NME9: variants seen among roughly 807,000 people sequenced by gnomAD.
The protein encoded by NME9 is NME/NM23 family member 9.
NME9 carries 48 observed loss-of-function variants against 44.4 expected under a neutral mutation model. That is an observed-to-expected ratio of 1.08 (90% confidence interval 0.86 to 1.37). The LOEUF is 1.37. Ranked by LOEUF, NME9 falls within the 40% of genes most tolerant of loss-of-function variation. NME9 has a pLI of 0.00. For missense variants in NME9, 325 were observed against 405.2 expected (o/e 0.80, Z 1.70); for synonymous variants, 139 against 147.1 (o/e 0.94, Z 0.40).
intron 8 of NME9, among the ~76,000 whole-genome samples, chr3:138,269,820 C>CTTTT (rs77095833): frequency 8.2e-6 from 1 of 121,694 alleles, no homozygotes; most frequent in African/African-American, 3.0e-5. Context: ...TGTTTTCTTT[C>CTTTT]TTTTTTTTTT....
Position 138,324,882 on chromosome 3 carries a change from C to T in NME9, c.82G>A (p.Gly28Arg), listed in dbSNP as rs2053683373. 1 of 1,612,844 alleles carries T rather than the reference C, an allele frequency of 6.2e-7. No homozygotes were observed. The highest frequency in any genetic ancestry group is 2.2e-5 in the East Asian group (1 of 44,872). Reference protein sequence around the residue: ...ELWEEMLSSKGLTVVDVYQGW... With the variant: ...ELWEEMLSSKRLTVVDVYQGW... Reference sequence around the variant, plus strand: ...TTTTACTTTGAATTACCAGTTAGTCCTTTGGAACTGAGCATTTCCTCCCAA... The same window carrying T: ...TTTTACTTTGAATTACCAGTTAGTCTTTTGGAACTGAGCATTTCCTCCCAA... The change falls in exon 2 of 11, where the codon GGA becomes AGA. Residue 28 changes from glycine to arginine, a missense_variant. Coordinates refer to ENST00000333911, the MANE Select transcript of NME9 (RefSeq NM_001349018.2).
intron 8 of NME9, among the ~76,000 whole-genome samples, chr3:138,272,238 A>G (rs542075693): frequency 1.8e-4 from 27 of 152,340 alleles, no homozygotes; most frequent in Admixed American, 5.9e-4. Context: ...ATGCCAGTAA[A>G]GTTAAGAAAA....
chr3:138,292,808 AAGG>A (rs959333631), intron 8 of NME9, among the ~76,000 whole-genome samples: 1 of 152,124 alleles, frequency 6.6e-6, no homozygotes, highest in Non-Finnish European at 1.5e-5. Flanking sequence ...AAAAGAGAGA[AAGG>A]AGGACTAAGG....
intron 8 of NME9, chr3:138,270,165 C>T: frequency 7.1e-7 from 1 of 1,415,690 alleles, no homozygotes; most frequent in Non-Finnish European, 1.0e-6. Context: ...TCATAACTTA[C>T]AAAAGGAATA....
intron 8 of NME9, among the ~76,000 whole-genome samples, chr3:138,278,633 TATAA>T (rs1384299490): frequency 6.6e-6 from 1 of 152,236 alleles, no homozygotes; most frequent in Non-Finnish European, 1.5e-5. Flanking sequence ...GTATTGTATT[TATAA>T]ATAAATTTGG....
chr3:138,296,593 G>A (rs2051509662), downstream of NME9: 1 of 152,032 alleles, frequency 6.6e-6, no homozygotes, highest in Non-Finnish European at 1.5e-5. Context: ...CTGATTAACA[G>A]GCACTATACA....
intron 6 of NME9, among the ~76,000 whole-genome samples, chr3:138,313,234 T>C (rs1046011331): frequency 1.3e-5 from 2 of 151,844 alleles, no homozygotes; most frequent in African/African-American, 4.8e-5. Context: ...CTACTAAAAA[T>C]GTAAAAATTA....
intron 8 of NME9, among the ~76,000 whole-genome samples, chr3:138,270,618 GAT>G (rs1309898212): frequency 6.6e-6 from 1 of 152,094 alleles, no homozygotes; most frequent in African/African-American, 2.4e-5. Flanking sequence ...TGTTTTGAAA[GAT>G]AAATAGATTG....
chr3:138,297,476 C>T (rs898662159), downstream of NME9: 4 of 152,234 alleles, frequency 2.6e-5, no homozygotes, highest in Admixed American at 2.0e-4. Context: ...TCCAAGCCCA[C>T]CCACCAGCCA....
At chr3:138,303,449 G>C (rs986958817) in intron 10 of NME9, 58 bp downstream of exon 10, 2 of 1,421,634 alleles carry the variant, frequency 1.4e-6, no homozygotes, top group South Asian at 1.2e-5. Flanking sequence ...CAAGCACATA[G>C]TTACAAATTC....
intron 10 of NME9, among the ~76,000 whole-genome samples, chr3:138,302,197 C>T (rs1280129565): frequency 6.6e-6 from 1 of 152,130 alleles, no homozygotes; most frequent in African/African-American, 2.4e-5. Context: ...GAGACAGTGA[C>T]ATATCAGAAT....
At chr3:138,304,721 A>C (rs1398180099) in intron 9 of NME9, 152 bp downstream of exon 9, 1 of 755,772 alleles carries the variant, frequency 1.3e-6, no homozygotes, top group Non-Finnish European at 2.2e-6. Flanking sequence ...GAGCGGGAAG[A>C]TGTCAGGGTC....
chr3:138,282,470 A>G (rs1466870594), intron 8 of NME9, among the ~76,000 whole-genome samples: 1 of 152,074 alleles, frequency 6.6e-6, no homozygotes, highest in African/African-American at 2.4e-5. Flanking sequence ...ACATGGTGAA[A>G]TCCCGTCTCT....
At chr3:138,285,749 T>C (rs1383051988) in intron 8 of NME9, among the ~76,000 whole-genome samples, 1 of 152,216 alleles carries the variant, frequency 6.6e-6, no homozygotes, top group African/African-American at 2.4e-5. Context: ...TGCACAACTG[T>C]ATATCCACCA....
intron 8 of NME9, among the ~76,000 whole-genome samples, chr3:138,273,639 G>A (rs549191014): frequency 6.6e-6 from 1 of 152,248 alleles, no homozygotes; most frequent in African/African-American, 2.4e-5. Flanking sequence ...GTTCTCTAAT[G>A]TTCCCCAAGA....
chr3:138,308,118 G>A (rs1048043298), intron 6 of NME9, among the ~76,000 whole-genome samples: 10 of 152,110 alleles, frequency 6.6e-5, no homozygotes, highest in African/African-American at 2.2e-4. Context: ...AAATCATGGA[G>A]GAGGGAAGAA....
chr3:138,271,100 C>T (rs564669854), intron 8 of NME9, among the ~76,000 whole-genome samples: 1 of 152,258 alleles, frequency 6.6e-6, no homozygotes, highest in East Asian at 1.9e-4. Flanking sequence ...TCTCCCTGTT[C>T]CATGCTATAT....
intron 6 of NME9, among the ~76,000 whole-genome samples, chr3:138,312,250 CAGAAAT>C (rs888315116): frequency 6.6e-5 from 10 of 152,078 alleles, no homozygotes; most frequent in African/African-American, 2.4e-4. Context: ...ACATTCTTCT[CAGAAAT>C]AGAAAATACA....
At chr3:138,324,702 AC>A in intron 2 of NME9, 170 bp downstream of exon 2, 1 of 162,568 alleles carries the variant, frequency 6.2e-6, no homozygotes, top group South Asian at 7.0e-5. Flanking sequence ...ATACACACAC[AC>A]ACACACACAC....
Sources: allele counts gnomAD v4.1 joint callset (sites outside exome capture counted in the v4.1 genomes callset), GRCh38; gene constraint gnomAD v4.1.1; transcripts MANE v1.5; gene names NCBI Gene and HGNC (gene_info 2026-07-23, HGNC 2026-07-21).